The following EPB41L4A variants were observed in gnomAD, a reference collection of about 807,000 sequenced individuals.
The protein encoded by EPB41L4A is band 4.1-like protein 4A.
A neutral mutation model predicts 108.6 loss-of-function variants in EPB41L4A; 100 were observed. The observed-to-expected ratio is 0.92, with a 90% confidence interval of 0.78 to 1.09. The LOEUF (loss-of-function observed/expected upper bound fraction) is 1.09, where lower values mean the gene tolerates loss of function less well. EPB41L4A is among the 50% of genes least tolerant of loss of function. The pLI, the probability that EPB41L4A is intolerant of heterozygous loss-of-function variation, is 0.00. For missense variants in EPB41L4A, 1,030 were observed against 842.7 expected (o/e 1.22, Z -2.75); for synonymous variants, 319 against 289.0 (o/e 1.10, Z -1.05).
chr5:112,303,211 C>T (rs544538795), intron 2 of EPB41L4A, among the ~76,000 whole-genome samples: 3 of 152,202 alleles, frequency 2.0e-5, no homozygotes, highest in East Asian at 1.9e-4. Flanking sequence ...AAACTTTACA[C>T]GTTACAAAAT....
chr5:112,345,728 T>C (rs568961579), intron 1 of EPB41L4A, among the ~76,000 whole-genome samples: 150 of 151,300 alleles, frequency 9.9e-4, no homozygotes, highest in African/African-American at 3.5e-3. Flanking sequence ...TGCAGTGTTG[T>C]AGGATGTGCA....
At chr5:112,145,952 A>T in exon 13 of EPB41L4A, 1 of 456,744 alleles carries the variant, frequency 2.2e-6, no homozygotes, top group South Asian at 1.5e-5. Context: ...GTTCAAACTC[A>T]GATTTCCAAG....
intron 11 of EPB41L4A, among the ~76,000 whole-genome samples, chr5:112,239,389 G>A (rs1479334534): frequency 2.6e-5 from 4 of 152,114 alleles, no homozygotes; most frequent in African/African-American, 7.2e-5. Flanking sequence ...TTAAAAATAA[G>A]TGATAACTGT....
chr5:112,345,378 C>T (rs1757573056), intron 1 of EPB41L4A, among the ~76,000 whole-genome samples: 1 of 151,906 alleles, frequency 6.6e-6, no homozygotes, highest in African/African-American at 2.4e-5. Context: ...CTGTTACATA[C>T]CATGTTTGAA....
chr5:112,192,086 A>C (rs1347502876), intron 17 of EPB41L4A: 5 of 152,304 alleles, frequency 3.3e-5, no homozygotes, highest in Non-Finnish European at 7.3e-5. Context: ...GGAAGGACGA[A>C]TGAGGCTGAA....
At chr5:112,177,094 T>C (rs2150219283) in intron 18 of EPB41L4A, among the ~76,000 whole-genome samples, 1 of 152,188 alleles carries the variant, frequency 6.6e-6, no homozygotes, top group South Asian at 2.1e-4. Context: ...CAAATATATA[T>C]ATATAATTTT....
intron 12 of EPB41L4A, among the ~76,000 whole-genome samples, chr5:112,153,576 TAG>T (rs67890908): frequency 9.2e-4 from 135 of 147,460 alleles, no homozygotes; most frequent in Middle Eastern, 3.5e-3. Context: ...CATATATATA[TAG>T]AGAGAGAGAG....
intron 12 of EPB41L4A, among the ~76,000 whole-genome samples, chr5:112,231,858 A>G (rs562522765): frequency 3.3e-5 from 5 of 151,256 alleles, no homozygotes; most frequent in African/African-American, 1.2e-4. Flanking sequence ...CTGTAATCCT[A>G]ACACTTCTGG....
intron 1 of EPB41L4A, among the ~76,000 whole-genome samples, chr5:112,318,063 T>A (rs1755542842): frequency 6.6e-6 from 1 of 152,164 alleles, no homozygotes; most frequent in Non-Finnish European, 1.5e-5. Flanking sequence ...TTCCTCATTT[T>A]ATAGATGAGG....
chr5:112,272,315 A>AT (rs1023656755), intron 4 of EPB41L4A, among the ~76,000 whole-genome samples: 4 of 150,660 alleles, frequency 2.7e-5, no homozygotes, highest in African/African-American at 4.9e-5. Context: ...TGATTTTTGT[A>AT]TTTTTTTAGT....
chr5:112,240,644 A>C (rs1270624202), intron 10 of EPB41L4A, 75 bp downstream of exon 10: 1 of 819,162 alleles, frequency 1.2e-6, no homozygotes, highest in Non-Finnish European at 1.9e-6. Flanking sequence ...TCTGTTTTAG[A>C]CAGAATTCTT....
intron 1 of EPB41L4A, among the ~76,000 whole-genome samples, chr5:112,346,168 A>G (rs1330265994): frequency 2.0e-5 from 3 of 149,130 alleles, no homozygotes; most frequent in East Asian, 4.0e-4. Flanking sequence ...TTGTAATTCC[A>G]TGAAACACAC....
intron 1 of EPB41L4A, among the ~76,000 whole-genome samples, chr5:112,396,057 C>CT (rs1761323003): frequency 6.6e-6 from 1 of 152,036 alleles, no homozygotes; most frequent in South Asian, 2.1e-4. Context: ...AATGAGAACA[C>CT]TTGGACACAG....
At chr5:112,311,015 T>G (rs1433552709) in intron 1 of EPB41L4A, among the ~76,000 whole-genome samples, 2 of 152,126 alleles carry the variant, frequency 1.3e-5, no homozygotes, top group Non-Finnish European at 2.9e-5. Context: ...TTTCCAGCAT[T>G]CTTATCTTTT....
chr5:112,396,939 ATTATT>A (rs1234246311), intron 1 of EPB41L4A, among the ~76,000 whole-genome samples: 1 of 152,166 alleles, frequency 6.6e-6, no homozygotes, highest in African/African-American at 2.4e-5. Flanking sequence ...TTTGTAAAAT[ATTATT>A]TTATTTTAAA....
chr5:112,143,374 AC>A (rs1417112341), exon 14 of EPB41L4A: 2 of 152,336 alleles, frequency 1.3e-5, no homozygotes, highest in Non-Finnish European at 2.9e-5. Flanking sequence ...GATTGTTGCT[AC>A]TTTTATTATC....
At chr5:112,214,011 T>G (rs1414705111) in intron 12 of EPB41L4A, among the ~76,000 whole-genome samples, 1 of 152,260 alleles carries the variant, frequency 6.6e-6, no homozygotes, top group East Asian at 1.9e-4. Context: ...TATATGTTGG[T>G]GATTGAAATC....
intron 1 of EPB41L4A, among the ~76,000 whole-genome samples, chr5:112,362,282 G>T (rs867825533): frequency 1.4e-4 from 19 of 134,690 alleles, no homozygotes; most frequent in South Asian, 1.2e-3. Flanking sequence ...GAGCATTAAT[G>T]TTTTTTTTTT....
At chr5:112,341,552 T>C (rs554481641) in intron 1 of EPB41L4A, among the ~76,000 whole-genome samples, 6 of 152,202 alleles carry the variant, frequency 3.9e-5, no homozygotes, top group Admixed American at 2.0e-4. Flanking sequence ...GCAAGGCAGA[T>C]GAACCATTAA....
Sources: allele counts gnomAD v4.1 joint callset (sites outside exome capture counted in the v4.1 genomes callset), GRCh38; gene constraint gnomAD v4.1.1; transcripts MANE v1.5; gene names NCBI Gene and HGNC (gene_info 2026-07-23, HGNC 2026-07-21).